Variants in KIAA0232 observed in about 807,000 individuals in gnomAD.
The protein encoded by KIAA0232 is uncharacterized protein KIAA0232.
In KIAA0232, 27 loss-of-function variants were observed where a neutral mutation model predicts 122.0. The observed-to-expected ratio is 0.22, with a 90% CI of 0.16 to 0.31. The LOEUF (loss-of-function observed/expected upper bound fraction) is 0.31, where lower values mean the gene tolerates loss of function less well. Among genes scored for constraint, KIAA0232 ranks in the 10% least tolerant of loss-of-function variants. KIAA0232 has a pLI of 1.00. For synonymous variants in KIAA0232, 613 were observed against 587.6 expected (o/e 1.04, Z -0.63); for missense variants, 1,551 against 1,634.2 (o/e 0.95, Z 0.88).
At chr4:6,787,564 T>C (rs548501823) in intron 1 of KIAA0232, among the ~76,000 whole-genome samples, 13 of 152,232 alleles carry the variant, frequency 8.5e-5, no homozygotes, top group Non-Finnish European at 1.8e-4. Context: ...CTGGAAACCT[T>C]TAGAGACTTC....
At chr4:6,818,185 G>A (rs948877800) in intron 2 of KIAA0232, among the ~76,000 whole-genome samples, 1 of 151,768 alleles carries the variant, frequency 6.6e-6, no homozygotes, top group Admixed American at 6.6e-5. Context: ...GGTGGATCAC[G>A]AGGTCAGGAG....
At chr4:6,867,924 A>G (rs958864294) in intron 7 of KIAA0232, among the ~76,000 whole-genome samples, 2 of 152,218 alleles carry the variant, frequency 1.3e-5, no homozygotes, top group African/African-American at 4.8e-5. Flanking sequence ...GACTTAGACC[A>G]GCAGTTCTGT....
intron 3 of KIAA0232, among the ~76,000 whole-genome samples, chr4:6,833,190 T>A (rs528694874): frequency 6.6e-6 from 1 of 152,226 alleles, no homozygotes; most frequent in African/African-American, 2.4e-5. Context: ...GCGCTCCTCG[T>A]GTGTGTCACT....
At chr4:6,797,794 G>A (rs1342681155) in intron 1 of KIAA0232, among the ~76,000 whole-genome samples, 4 of 148,050 alleles carry the variant, frequency 2.7e-5, no homozygotes, top group African/African-American at 5.0e-5. Context: ...AAAAAAGGCC[G>A]GGCGCGGTGG....
chr4:6,827,122 AAAGT>A (rs1718730949), intron 3 of KIAA0232, among the ~76,000 whole-genome samples: 1 of 152,236 alleles, frequency 6.6e-6, no homozygotes. Flanking sequence ...TACTTGGTCC[AAAGT>A]AACAGCCATG....
intron 9 of KIAA0232, among the ~76,000 whole-genome samples, chr4:6,877,733 T>G (rs1221949298): frequency 6.6e-6 from 1 of 152,156 alleles, no homozygotes; most frequent in Non-Finnish European, 1.5e-5. Flanking sequence ...GGCAGCTGAC[T>G]AGATGGTGCC....
intron 1 of KIAA0232, among the ~76,000 whole-genome samples, chr4:6,803,424 C>T (rs778236512): frequency 1.3e-5 from 2 of 152,132 alleles, no homozygotes; most frequent in Non-Finnish European, 2.9e-5. Flanking sequence ...AAGGGTCTGT[C>T]ACACAGCTCT....
rs1300128637 is a variant in KIAA0232 at position 6,857,240 on chromosome 4, A to C, written c.436+10A>C. 6.2e-7 allele frequency: 1 copy of C among 1,611,032 alleles called. No individual in the cohort carries two copies. The highest frequency in any genetic ancestry group is 8.5e-7 in the Non-Finnish European group (1 of 1,178,234). ...CTTCAGAGTAAGCAAGGTGAGGTCA[A>C]AAGCACTGTGCGCACACATGCCAGG... On this transcript the variant is annotated intron_variant, in intron 5 of 9. Transcript: ENST00000307659.
intron 2 of KIAA0232, among the ~76,000 whole-genome samples, chr4:6,814,005 A>G (rs542604268): frequency 3.3e-5 from 5 of 152,234 alleles, no homozygotes; most frequent in Admixed American, 2.6e-4. Context: ...CCTTTAGGGG[A>G]TAATTTTCAT....
rs1720989814 is a variant in KIAA0232 at position 6,863,376 on chromosome 4, G to GGCC, written c.2994_2995insGCC (p.Gln998_Asn999insAla). 1 of 1,614,060 alleles carries GGCC rather than the reference G, an allele frequency of 6.2e-7. No individual in the cohort carries two copies. The highest frequency in any genetic ancestry group is 1.7e-5 in the Admixed American group (1 of 60,002). On this transcript the variant is annotated inframe_insertion, in exon 7 of 10. Coordinates refer to ENST00000307659, the MANE Select transcript of KIAA0232 (RefSeq NM_014743.3). The stretch of plus-strand genomic sequence containing the variant: ...GGAAACCCTTCGTGTCATTTGAACA[G>GGCC]AATGATCAGCCGAAGAGTGGGGAAA...
At chr4:6,793,980 C>G (rs898491186) in intron 1 of KIAA0232, among the ~76,000 whole-genome samples, 23 of 152,312 alleles carry the variant, frequency 1.5e-4, no homozygotes, top group African/African-American at 5.3e-4. Context: ...ACCTAGAGAT[C>G]TATTCATTCA....
chr4:6,799,748 G>A (rs1260417319), intron 1 of KIAA0232, among the ~76,000 whole-genome samples: 1 of 152,018 alleles, frequency 6.6e-6, no homozygotes, highest in Non-Finnish European at 1.5e-5. Context: ...AGGCTGGAGT[G>A]AAGTGGCACA....
At chr4:6,846,494 C>T (rs539286206) in intron 4 of KIAA0232, among the ~76,000 whole-genome samples, 15 of 152,082 alleles carry the variant, frequency 9.9e-5, no homozygotes, top group Admixed American at 6.5e-5. Context: ...CTAGGGTGAA[C>T]GCTCCTTATA....
At chr4:6,876,547 T>G in intron 8 of KIAA0232, 113 bp from the exon 9 acceptor site, 1 of 747,864 alleles carries the variant, frequency 1.3e-6, no homozygotes. Flanking sequence ...TTGGGAGACC[T>G]AACTGATGTA....
At chr4:6,840,074 G>C (rs1262149160) in intron 3 of KIAA0232, among the ~76,000 whole-genome samples, 1 of 152,116 alleles carries the variant, frequency 6.6e-6, no homozygotes, top group Admixed American at 6.6e-5. Context: ...ATAACTAAAA[G>C]TCCAGAAGTT....
At chr4:6,790,687 C>G (rs1325530781) in intron 1 of KIAA0232, among the ~76,000 whole-genome samples, 2 of 151,436 alleles carry the variant, frequency 1.3e-5, no homozygotes, top group Non-Finnish European at 2.9e-5. Context: ...GCCAGGCAAG[C>G]CCTTTATTAG....
At chr4:6,796,729 A>C (rs1268201611) in intron 1 of KIAA0232, among the ~76,000 whole-genome samples, 1 of 152,218 alleles carries the variant, frequency 6.6e-6, no homozygotes, top group African/African-American at 2.4e-5. Flanking sequence ...TCAGCTTGTA[A>C]TCTTCACTTA....
chr4:6,825,595 A>G (rs1363872272), intron 3 of KIAA0232, among the ~76,000 whole-genome samples: 6 of 150,094 alleles, frequency 4.0e-5, no homozygotes, highest in South Asian at 4.2e-4. Context: ...GAGAGAGAGA[A>G]AGAGAAAGCA....
chr4:6,783,630 A>G (rs1716467584), intron 1 of KIAA0232, among the ~76,000 whole-genome samples: 1 of 147,928 alleles, frequency 6.8e-6, no homozygotes, highest in African/African-American at 2.5e-5. Flanking sequence ...GGAGGGCCGC[A>G]GGCGGGCGGG....
Sources: allele counts gnomAD v4.1 joint callset (sites outside exome capture counted in the v4.1 genomes callset), GRCh38; gene constraint gnomAD v4.1.1; transcripts MANE v1.5; gene names NCBI Gene and HGNC (gene_info 2026-07-23, HGNC 2026-07-21).